NUP98: variants seen among roughly 807,000 people sequenced by gnomAD.
NUP98 encodes nuclear pore complex protein Nup98-Nup96.
Under a neutral mutation model 191.9 loss-of-function variants are expected in NUP98, and 26 were observed. The observed-to-expected ratio is 0.14, with a 90% CI of 0.10 to 0.19. The LOEUF (loss-of-function observed/expected upper bound fraction) is 0.19. NUP98 is among the 10% of genes least tolerant of loss of function. The pLI, the probability that NUP98 is intolerant of heterozygous loss-of-function variation, is 1.00. For synonymous variants in NUP98, 808 were observed against 778.4 expected (o/e 1.04, Z -0.63); for missense variants, 1,941 against 2,178.8 (o/e 0.89, Z 2.17).
chr11:3,706,421 A>G, intron 21 of NUP98, 24 bp downstream of exon 21: 1 of 1,610,114 alleles, frequency 6.2e-7, no homozygotes, highest in Non-Finnish European at 8.5e-7. Context: ...TTTCTGTTAC[A>G]AAAAAGGTGG....
intron 18 of NUP98, among the ~76,000 whole-genome samples, chr11:3,714,355 A>G (rs553440165): frequency 1.3e-5 from 2 of 152,290 alleles, no homozygotes; most frequent in East Asian, 3.9e-4. Context: ...GTACTAAATA[A>G]TAATAAAAAA....
rs200452623 is a variant in NUP98 at position 3,700,634 on chromosome 11, A to G, written c.3718T>C (p.Ser1240Pro). The change falls in exon 24 of 33, where the codon TCA (serine) becomes CCA (proline). Residue 1240 changes from serine to proline, a missense_variant. Physicochemically the swap from Ser to Pro is moderately conservative, Grantham distance 74. Around this residue, in one of 6 missense-constraint regions of NUP98, gnomAD observed 1,030 missense variants for 1,115.8 expected, o/e 0.92. Transcript: ENST00000324932. The stretch of plus-strand genomic sequence containing the variant: ...CTTTGTGCTTCTGGTAAGTCTCCTG[A>G]TGCTTCTTTAACCCAATCTGCATAG... The part of the protein sequence containing the change: ...HDYADWVKEA[S>P]GDLPEAQIVK... The G allele has an allele frequency of 6.2e-7, 1 of 1,613,808 alleles. No homozygotes were observed. Among genetic ancestry groups the G allele is most frequent in the East Asian group, 2.2e-5 (1 of 44,872 alleles).
At chr11:3,770,181 T>C (rs763793428) in intron 7 of NUP98, among the ~76,000 whole-genome samples, 10 of 151,782 alleles carry the variant, frequency 6.6e-5, no homozygotes, top group Non-Finnish European at 1.5e-4. Flanking sequence ...CCCAACTCTA[T>C]TAAAAATATA....
chr11:3,785,154 T>TA (rs369808746), intron 1 of NUP98, among the ~76,000 whole-genome samples: 87 of 123,300 alleles, frequency 7.1e-4, no homozygotes, highest in South Asian at 1.3e-3. Context: ...TATAAATGAA[T>TA]AAAAAAAAAA....
At position 3,757,139 on chromosome 11, in the gene NUP98, G is replaced by GTATA. The variant is rs34905710; in HGVS notation, c.1174+3396_1174+3399dup. Among the ~76,000 whole-genome samples the GTATA allele has an allele frequency of 8.5e-3, 1,247 of 147,252 alleles. 12 individuals carry two copies. Among genetic ancestry groups the GTATA allele is most frequent in the African/African-American group, 0.026 (1,050 of 40,280 alleles). The stretch of plus-strand genomic sequence containing the variant: ...TATATCTATATCTATATCTATATGT[G>GTATA]TATATATATATATTTTATCAAGTGT... On this transcript the variant is annotated intron_variant, in intron 10 of 32. Transcript: ENST00000324932.
intron 1 of NUP98, among the ~76,000 whole-genome samples, chr11:3,794,496 AT>A (rs922569123): frequency 1.0e-4 from 15 of 150,542 alleles, no homozygotes; most frequent in Admixed American, 7.3e-4. Context: ...AATTTTTCAT[AT>A]TTTTTTTTAA....
rs975542758 is a variant in NUP98, at chr11:3,679,784, G to C, written c.4919-76C>G. ...AAAAGTACAGAAGACATGGCAGGAA[G>C]ACAGAAAGGAAGGAGAAATAATGTT... On this transcript the variant is annotated intron_variant, in intron 30 of 32. Transcript: ENST00000324932. 7.1e-6 allele frequency: 10 copies of C among 1,404,898 alleles called. No homozygotes were observed. The African/African-American group carries it at 1.0e-4, about 14-fold the overall frequency. 87.0% of individuals were successfully genotyped at this position (1,404,898 alleles called of 1,614,324 possible).
chr11:3,791,678 G>C (rs988394397), intron 1 of NUP98, among the ~76,000 whole-genome samples: 2 of 150,610 alleles, frequency 1.3e-5, no homozygotes, highest in African/African-American at 4.9e-5. Flanking sequence ...CCCTGTCTCT[G>C]CTAAAAATAC....
chr11:3,759,236 T>C (rs1212041415), intron 10 of NUP98, among the ~76,000 whole-genome samples: 1 of 152,202 alleles, frequency 6.6e-6, no homozygotes, highest in East Asian at 1.9e-4. Flanking sequence ...ACAAACAGAA[T>C]AAACTTCCCA....
At chr11:3,716,768 G>T (rs1191245247) in intron 18 of NUP98, among the ~76,000 whole-genome samples, 1 of 151,906 alleles carries the variant, frequency 6.6e-6, no homozygotes, top group African/African-American at 2.4e-5. Context: ...CATTCCATTG[G>T]TATTTATGTC....
In NUP98 at chr11:3,797,515, G is replaced by A. The variant is rs367949661; in HGVS notation, c.-144C>T. On this transcript the variant is annotated 5_prime_UTR_variant, in exon 1 of 33. Transcript: ENST00000324932. ...CGCCGCCGCTACCACCCCTGCCACC[G>A]ACCGCCGCTTCGGGCGCAGCGCGCA... The A allele has an allele frequency of 1.1e-5, 5 of 440,668 alleles. No individual in the cohort carries two copies. The highest frequency in any genetic ancestry group is 1.6e-5 in the Non-Finnish European group (4 of 250,856). 27.3% of individuals were successfully genotyped at this position (440,668 alleles called of 1,614,324 possible). A position where few individuals can be genotyped will look rare whatever the true frequency, so the allele number is the denominator to read the frequency against.
intron 8 of NUP98, among the ~76,000 whole-genome samples, chr11:3,768,092 G>C (rs533627349): frequency 9.9e-5 from 15 of 152,202 alleles, no homozygotes; most frequent in African/African-American, 3.4e-4. Context: ...GTAAAGAGTA[G>C]AGCCCAGGCT....
intron 1 of NUP98, among the ~76,000 whole-genome samples, chr11:3,788,037 T>C (rs1024488991): frequency 2.6e-5 from 4 of 152,114 alleles, no homozygotes; most frequent in Non-Finnish European, 5.9e-5. Context: ...CCAACCCCGA[T>C]TACGTAAACT....
chr11:3,697,248 T>C (rs2078537839), intron 25 of NUP98: 2 of 151,954 alleles, frequency 1.3e-5, no homozygotes, highest in African/African-American at 4.8e-5. Flanking sequence ...CATCTCTATT[T>C]AAAAAATAAA....
intron 2 of NUP98, 77 bp from the exon 3 acceptor site, chr11:3,779,334 A>G (rs773119746): frequency 2.9e-4 from 342 of 1,194,188 alleles, no homozygotes; most frequent in Non-Finnish European, 4.0e-4. Context: ...AAGGCATTTT[A>G]ATATTTCTTA....
chr11:3,676,636 G>C lies in NUP98; in HGVS notation c.5074-16C>G. ...AGCAATCCACCTACAAAGAAGCAGA[G>C]AAGCCAATTAATCCAAGGGGAGTTC... On this transcript the variant is annotated splice_polypyrimidine_tract_variant and intron_variant, in intron 31 of 32. Coordinates refer to ENST00000324932, the MANE Select transcript of NUP98 (RefSeq NM_016320.5). The C allele has an allele frequency of 6.3e-7, 1 of 1,591,346 alleles. No homozygotes were observed.
chr11:3,751,519 T>C (rs963356817), intron 11 of NUP98, among the ~76,000 whole-genome samples: 1 of 152,180 alleles, frequency 6.6e-6, no homozygotes, highest in African/African-American at 2.4e-5. Flanking sequence ...GACTGGACTT[T>C]TCATGAAATT....
intron 12 of NUP98, among the ~76,000 whole-genome samples, chr11:3,736,187 C>G (rs1468116185): frequency 1.3e-5 from 2 of 152,010 alleles, no homozygotes; most frequent in African/African-American, 4.8e-5. Flanking sequence ...CCACCTTGGC[C>G]TCCCAAAATG....
chr11:3,785,713 C>T (rs771484586), intron 1 of NUP98, among the ~76,000 whole-genome samples: 4 of 152,116 alleles, frequency 2.6e-5, no homozygotes, highest in Non-Finnish European at 4.4e-5. Context: ...TAGTTGAGAT[C>T]GTGCCACTGC....
Sources: allele counts gnomAD v4.1 joint callset (sites outside exome capture counted in the v4.1 genomes callset), GRCh38; gene constraint gnomAD v4.1.1; regional missense constraint gnomAD v4.1.1; transcripts MANE v1.5; gene names NCBI Gene and HGNC (gene_info 2026-07-23, HGNC 2026-07-21).